Variants in PTPRT observed in about 807,000 individuals in gnomAD.
PTPRT encodes receptor-type tyrosine-protein phosphatase T.
PTPRT carries 56 observed loss-of-function variants against 176.8 expected under a neutral mutation model. The ratio of observed to expected loss-of-function variants is 0.32; its 90% CI spans 0.26 to 0.40. The LOEUF (loss-of-function observed/expected upper bound fraction) is 0.40. Ranked by LOEUF, PTPRT falls within the 10% of genes least tolerant of loss-of-function variation. The probability of loss-of-function intolerance (pLI) is 1.00; values close to 1 mark genes in which losing one functional copy is unlikely to be tolerated. For synonymous variants in PTPRT, 783 were observed against 739.0 expected, an observed-to-expected ratio of 1.06 and a Z score of -0.96; for missense variants, 1,540 against 1,908.2, an observed-to-expected ratio of 0.81 and a Z score of 3.60.
At chr20:42,712,847 G>T (rs558249477) in intron 6 of PTPRT, among the ~76,000 whole-genome samples, 23 of 152,220 alleles carry the variant, frequency 1.5e-4, no homozygotes, top group Admixed American at 1.1e-3. Context: ...TTGCAATATT[G>T]TTTGTAACAG....
intron 12 of PTPRT, among the ~76,000 whole-genome samples, chr20:42,286,156 C>A (rs1261171432): frequency 6.6e-6 from 1 of 151,776 alleles, no homozygotes; most frequent in African/African-American, 2.4e-5. Context: ...ATCAGACTCT[C>A]CAAAGCAATC....
chr20:42,946,693 T>C (rs761320178), intron 1 of PTPRT, among the ~76,000 whole-genome samples: 22 of 152,190 alleles, frequency 1.4e-4, no homozygotes, highest in Non-Finnish European at 2.8e-4. Flanking sequence ...GTACCATATA[T>C]ACTGGTATAA....
intron 2 of PTPRT, among the ~76,000 whole-genome samples, chr20:42,872,127 T>C (rs969858074): frequency 6.6e-6 from 1 of 152,230 alleles, no homozygotes; most frequent in Non-Finnish European, 1.5e-5. Context: ...TTAAAAGATA[T>C]TGGCAGATTT....
At position 42,846,953 on chromosome 20, in the gene PTPRT, T is replaced by A. The variant is rs551815624; in HGVS notation, c.214+38854A>T. 1.5e-4 allele frequency among the ~76,000 whole-genome samples: 23 copies of A among 152,318 alleles called. 1 individual carries two copies. Among genetic ancestry groups the A allele is most frequent in the South Asian group, 1.2e-3 (6 of 4,828 alleles). On this transcript the variant is annotated intron_variant, in intron 2 of 30. Coordinates refer to ENST00000373187, the MANE Select transcript of PTPRT (RefSeq NM_007050.6). ...CTCTGTCTCTACTCCTTACAAACAA[T>A]GAGACTCTGGAGAAAACAATGGGGC... is the stretch of plus-strand genomic sequence containing the variant.
At chr20:42,345,840 G>C (rs2058186776) in intron 11 of PTPRT, among the ~76,000 whole-genome samples, 2 of 152,076 alleles carry the variant, frequency 1.3e-5, no homozygotes, top group South Asian at 4.1e-4. Context: ...ACCTGGTAAA[G>C]GGGCAGACGG....
intron 1 of PTPRT, among the ~76,000 whole-genome samples, chr20:43,033,471 G>A (rs1363673784): frequency 6.6e-6 from 1 of 152,062 alleles, no homozygotes; most frequent in Non-Finnish European, 1.5e-5. Flanking sequence ...TTCAGAAGCT[G>A]CCACACCAAA....
intron 19 of PTPRT, among the ~76,000 whole-genome samples, chr20:42,126,601 C>T (rs73114433): frequency 2.0e-5 from 3 of 152,134 alleles, no homozygotes; most frequent in African/African-American, 7.2e-5. Flanking sequence ...GGAGCCTTCA[C>T]TGGCTACTTC....
intron 6 of PTPRT, among the ~76,000 whole-genome samples, chr20:42,688,907 G>C (rs1419530341): frequency 6.6e-6 from 1 of 152,168 alleles, no homozygotes; most frequent in African/African-American, 2.4e-5. Context: ...CTCTACCCTG[G>C]AGGAGACTAA....
At chr20:42,307,787 G>A (rs2057565738) in intron 12 of PTPRT, among the ~76,000 whole-genome samples, 2 of 152,164 alleles carry the variant, frequency 1.3e-5, no homozygotes, top group Admixed American at 6.5e-5. Flanking sequence ...CTACTGGGCT[G>A]TATTCTCAGG....
intron 7 of PTPRT, among the ~76,000 whole-genome samples, chr20:42,602,940 G>C (rs1214647258): frequency 1.3e-5 from 2 of 152,194 alleles, no homozygotes; most frequent in Admixed American, 6.5e-5. Flanking sequence ...TTAAGAGTCA[G>C]TAAATGTCCT....
intron 1 of PTPRT, among the ~76,000 whole-genome samples, chr20:43,133,300 A>G (rs540528040): frequency 6.6e-6 from 1 of 152,358 alleles, no homozygotes; most frequent in African/African-American, 2.4e-5. Flanking sequence ...CATAAAGACT[A>G]CATTTCAGGG....
At chr20:42,374,165 G>A (rs929931105) in intron 9 of PTPRT, among the ~76,000 whole-genome samples, 5 of 152,188 alleles carry the variant, frequency 3.3e-5, no homozygotes, top group Admixed American at 3.3e-4. Context: ...TGAGCAGAGA[G>A]CATCACTGCC....
intron 1 of PTPRT, among the ~76,000 whole-genome samples, chr20:43,144,779 G>A (rs1283593131): frequency 3.9e-5 from 6 of 151,918 alleles, no homozygotes; most frequent in African/African-American, 9.7e-5. Context: ...ACTAAAAACC[G>A]TTGAATTAAA....
the PTPRT span, among the ~76,000 whole-genome samples, chr20:42,043,444 C>G: frequency 1.3e-5 from 2 of 152,168 alleles, no homozygotes; most frequent in South Asian, 2.1e-4. Context: ...AGCTAATGGG[C>G]TGTATGCAAA....
At chr20:42,932,113 CA>C (rs1248346820) in intron 1 of PTPRT, among the ~76,000 whole-genome samples, 2 of 152,208 alleles carry the variant, frequency 1.3e-5, no homozygotes, top group African/African-American at 4.8e-5. Context: ...CCCACACGAC[CA>C]GGGGTGACTA....
chr20:42,580,071 A>C (rs1023450524), intron 7 of PTPRT, among the ~76,000 whole-genome samples: 3 of 152,118 alleles, frequency 2.0e-5, no homozygotes, highest in African/African-American at 7.2e-5. Context: ...ATCTTGAATT[A>C]ATTTTTCTAT....
chr20:42,615,387 C>T (rs2074055010), intron 7 of PTPRT, among the ~76,000 whole-genome samples: 1 of 137,696 alleles, frequency 7.3e-6, no homozygotes, highest in Admixed American at 6.9e-5. Flanking sequence ...AATAATGCTG[C>T]AATAAACATA....
chr20:42,973,268 A>ATCTG (rs1420984173), intron 1 of PTPRT, among the ~76,000 whole-genome samples: 1 of 152,134 alleles, frequency 6.6e-6, no homozygotes, highest in Non-Finnish European at 1.5e-5. Flanking sequence ...GGAAAGACTG[A>ATCTG]GGAAGTAGTA....
At chr20:42,154,394 C>T (rs1989261876) in intron 17 of PTPRT, among the ~76,000 whole-genome samples, 2 of 152,196 alleles carry the variant, frequency 1.3e-5, no homozygotes, top group African/African-American at 2.4e-5. Context: ...TGCCTGCCTG[C>T]CATCACCCCA....
Sources: gnomAD v4.1 joint callset for allele counts (sites outside exome capture counted in the v4.1 genomes callset) on GRCh38, gnomAD v4.1.1 for gene constraint, MANE v1.5 for transcripts, NCBI Gene and HGNC (gene_info 2026-07-23, HGNC 2026-07-21) for gene names.